GMDS: variants seen among roughly 807,000 people sequenced by gnomAD.
GMDS encodes the protein GDP-mannose 4,6-dehydratase.
Under a neutral mutation model 49.9 loss-of-function variants are expected in GMDS, and 20 were observed. The observed-to-expected ratio is 0.40, with a 90% CI of 0.28 to 0.58. The LOEUF (loss-of-function observed/expected upper bound fraction) is 0.58. GMDS is among the 20% of genes least tolerant of loss of function. GMDS has a pLI of 0.42. For missense variants in GMDS, 362 were observed against 481.4 expected, an observed-to-expected ratio of 0.75 and a Z score of 2.32; for synonymous variants, 177 against 178.6, an observed-to-expected ratio of 0.99 and a Z score of 0.07.
rs1026677039 is a variant in GMDS, at chr6:1,773,161, T to C, written c.772-30575A>G. On this transcript the variant is annotated intron_variant, in intron 7 of 10. Transcript: ENST00000380815. ...GCATGGCCTTTACATTTTATATGCATTCAAGGCAGTTAGAAAATGCACAGA... is the reference window on the plus strand; with the variant it reads ...GCATGGCCTTTACATTTTATATGCACTCAAGGCAGTTAGAAAATGCACAGA... Among the ~76,000 whole-genome samples the C allele has an allele frequency of 2.7e-5, 4 of 150,290 alleles. No individual in the cohort carries two copies. In the East Asian group the frequency reaches 5.9e-4, roughly 22 times the overall value.
intron 7 of GMDS, among the ~76,000 whole-genome samples, chr6:1,813,675 A>T (rs956295692): frequency 6.6e-6 from 1 of 152,192 alleles, no homozygotes; most frequent in Non-Finnish European, 1.5e-5. Context: ...TGCGACACGT[A>T]AGGTCTTCAA....
intron 9 of GMDS, among the ~76,000 whole-genome samples, chr6:1,688,722 A>G (rs1373329877): frequency 6.6e-6 from 1 of 152,222 alleles, no homozygotes. Context: ...AGGCACCAAG[A>G]TGGGATACAG....
rs70992124 is a variant in GMDS at position 2,154,863 on chromosome 6, C to CAAAA, written c.103-30136_103-30133dup. ...ACAAAAGCCTCTTATTGAAGAGATG[C>CAAAA]AAAAAAAAAAAAAAAAAAAAAAAGA... On this transcript the variant is annotated intron_variant, in intron 1 of 10. Coordinates refer to ENST00000380815, the MANE Select transcript of GMDS (RefSeq NM_001500.4). 5.0e-3 allele frequency among the ~76,000 whole-genome samples: 325 copies of CAAAA among 65,568 alleles called. 8 individuals are homozygous for CAAAA. Among genetic ancestry groups the CAAAA allele is most frequent in the South Asian group, 0.015 (18 of 1,178 alleles). 43.0% of individuals were successfully genotyped at this position (65,568 alleles called of 152,430 possible).
intron 4 of GMDS, among the ~76,000 whole-genome samples, chr6:2,114,529 G>C (rs180871601): frequency 9.9e-5 from 15 of 152,282 alleles, no homozygotes; most frequent in Admixed American, 5.2e-4. Context: ...TAGAAAAATA[G>C]CTAAGCTGTA....
chr6:1,631,394 C>T (rs140606074), intron 9 of GMDS, among the ~76,000 whole-genome samples: 404 of 152,204 alleles, frequency 2.7e-3, no homozygotes, highest in African/African-American at 9.3e-3. Context: ...GAATGCCTAC[C>T]TAGGCCACAG....
At chr6:2,198,269 T>C (rs1779360612) in intron 1 of GMDS, among the ~76,000 whole-genome samples, 1 of 152,170 alleles carries the variant, frequency 6.6e-6, no homozygotes, top group African/African-American at 2.4e-5. Flanking sequence ...CCTGTACACA[T>C]TATACAGATA....
chr6:1,668,900 A>C (rs1322268972), intron 9 of GMDS, among the ~76,000 whole-genome samples: 2 of 152,264 alleles, frequency 1.3e-5, no homozygotes, highest in Non-Finnish European at 1.5e-5. Context: ...GAGAAGTACC[A>C]AGGTATCAGC....
intron 1 of GMDS, among the ~76,000 whole-genome samples, chr6:2,202,915 G>A (rs1779616298): frequency 6.6e-6 from 1 of 152,164 alleles, no homozygotes; most frequent in South Asian, 2.1e-4. Context: ...GACAGGGTCT[G>A]CAGAAAGTCA....
intron 1 of GMDS, among the ~76,000 whole-genome samples, chr6:2,165,182 C>T (rs1367591094): frequency 6.6e-6 from 1 of 152,172 alleles, no homozygotes; most frequent in Non-Finnish European, 1.5e-5. Context: ...ACTCCCAGTA[C>T]CAAAATCTGT....
chr6:2,117,384 T>A, intron 3 of GMDS, 85 bp downstream of exon 3: 4 of 816,186 alleles, frequency 4.9e-6, no homozygotes. Flanking sequence ...TTGACAAAAA[T>A]GACATTTGAA....
intron 7 of GMDS, among the ~76,000 whole-genome samples, chr6:1,792,432 C>T (rs1769582315): frequency 6.6e-6 from 1 of 152,144 alleles, no homozygotes; most frequent in Admixed American, 6.6e-5. Flanking sequence ...GTTTGTTTCA[C>T]CTTCGATACT....
At chr6:1,918,291 T>A (rs1371014203) in intron 7 of GMDS, among the ~76,000 whole-genome samples, 1 of 152,108 alleles carries the variant, frequency 6.6e-6, no homozygotes, top group Non-Finnish European at 1.5e-5. Flanking sequence ...CACAAAAAGG[T>A]TTCTGAATGA....
chr6:1,667,780 G>T (rs1581433734), intron 9 of GMDS, among the ~76,000 whole-genome samples: 1 of 146,460 alleles, frequency 6.8e-6, no homozygotes, highest in Non-Finnish European at 1.5e-5. Flanking sequence ...CTTCTCAAAT[G>T]TTTGCCTTAA....
Position 2,191,523 on chromosome 6 carries a change from G to A in GMDS, c.102+53798C>T, listed in dbSNP as rs1779017345. Among the ~76,000 whole-genome samples, 1 of 152,196 alleles carries A rather than the reference G, an allele frequency of 6.6e-6. No homozygotes were observed. Among genetic ancestry groups the A allele is most frequent in the Non-Finnish European group, 1.5e-5 (1 of 68,016 alleles). ...TCTGCACTCTTGGGGGCCCTGGAAG[G>A]CCCCCGCCTTGCCCTTGCAGGCTCG... On this transcript the variant is annotated intron_variant, in intron 1 of 10. Transcript: ENST00000380815. The surrounding 1 kb of genome is among the most constrained non-coding windows in gnomAD (Gnocchi z 4.6).
At chr6:1,890,178 G>C (rs1034348130) in intron 7 of GMDS, among the ~76,000 whole-genome samples, 1 of 151,858 alleles carries the variant, frequency 6.6e-6, no homozygotes, top group Non-Finnish European at 1.5e-5. Context: ...TGGCTAAGCT[G>C]TCTTACATTA....
intron 8 of GMDS, among the ~76,000 whole-genome samples, chr6:1,736,876 AAGCTCTGCAAATTCCCGAGGAATGCATT>A (rs1484744997): frequency 6.6e-6 from 1 of 152,142 alleles, no homozygotes; most frequent in Non-Finnish European, 1.5e-5. Flanking sequence ...TGACAGTCCC[AAGCTCTGCAAATTCCCGAGGAATGCATT>A]ACAGTAGCTA....
intron 1 of GMDS, among the ~76,000 whole-genome samples, chr6:2,240,678 T>G (rs1229040516): frequency 6.6e-6 from 1 of 152,046 alleles, no homozygotes; most frequent in African/African-American, 2.4e-5. Flanking sequence ...AAATATACTT[T>G]GAACAAAATG....
intron 1 of GMDS, among the ~76,000 whole-genome samples, chr6:2,194,676 T>A (rs1235683999): frequency 1.3e-5 from 2 of 152,248 alleles, no homozygotes; most frequent in Non-Finnish European, 2.9e-5. Context: ...GTTATTTTAT[T>A]TCCTAAACAT....
chr6:1,954,533 T>C (rs1763528478), intron 6 of GMDS, among the ~76,000 whole-genome samples: 1 of 152,264 alleles, frequency 6.6e-6, no homozygotes, highest in Admixed American at 6.5e-5. Flanking sequence ...CTGCTGCTGC[T>C]TTAACAACTA....
Sources: gnomAD v4.1 joint callset for allele counts (sites outside exome capture counted in the v4.1 genomes callset) on GRCh38, gnomAD v4.1.1 for gene constraint, Gnocchi (gnomAD v3.1) non-coding constraint, MANE v1.5 for transcripts, NCBI Gene and HGNC (gene_info 2026-07-23, HGNC 2026-07-21) for gene names.